PRKDC: variants seen among roughly 807,000 people sequenced by gnomAD.
The protein encoded by PRKDC is DNA-dependent protein kinase catalytic subunit.
A neutral mutation model predicts 486.9 loss-of-function variants in PRKDC; 82 were observed. The ratio of observed to expected loss-of-function variants is 0.17; its 90% CI spans 0.14 to 0.20. The LOEUF is 0.20. PRKDC is among the 10% of genes least tolerant of loss of function. The pLI, the probability that PRKDC is intolerant of heterozygous loss-of-function variation, is 1.00. For missense variants in PRKDC, 4,504 were observed against 5,038.2 expected, an observed-to-expected ratio of 0.89 and a Z score of 3.21; for synonymous variants, 1,895 against 1,837.0, an observed-to-expected ratio of 1.03 and a Z score of -0.81.
rs55838146 is a variant in PRKDC, at chr8:47,827,944, G to T, written c.8577+224C>A. Among the ~76,000 whole-genome samples, 121 of 152,332 alleles carry T rather than the reference G, an allele frequency of 7.9e-4. 1 individual carries two copies. The East Asian group carries it at 0.022, about 28-fold the overall frequency. ...GGACTGGCTTATTACAAAATAAAAC[G>T]TAACATGTTTGATTTCTGGTTATTC... On this transcript the variant is annotated intron_variant, in intron 62 of 85. Transcript: ENST00000314191.
chr8:47,834,753 C>T (rs1454294071), intron 58 of PRKDC, among the ~76,000 whole-genome samples: 1 of 142,364 alleles, frequency 7.0e-6, no homozygotes, highest in East Asian at 2.1e-4. Context: ...TGCAGTGGCG[C>T]GATCTCGGCT....
At chr8:47,814,343 T>C (rs1179508843) in intron 68 of PRKDC, among the ~76,000 whole-genome samples, 1 of 152,176 alleles carries the variant, frequency 6.6e-6, no homozygotes, top group Non-Finnish European at 1.5e-5. Context: ...ATATTCAAGA[T>C]TGTACTTGAG....
chr8:47,781,076 C>T (rs912978793), intron 80 of PRKDC, among the ~76,000 whole-genome samples: 3 of 152,194 alleles, frequency 2.0e-5, no homozygotes, highest in Non-Finnish European at 2.9e-5. Flanking sequence ...TTCAACTCTC[C>T]TGGTACCTAT....
intron 10 of PRKDC, among the ~76,000 whole-genome samples, chr8:47,940,214 A>C (rs1437520541): frequency 2.0e-5 from 3 of 152,068 alleles, no homozygotes; most frequent in Non-Finnish European, 2.9e-5. Flanking sequence ...AAAGCATCTC[A>C]GTTTTCAAAA....
chr8:47,862,159 T>A (rs1487761097), intron 43 of PRKDC, 32 bp from the exon 44 acceptor site: 1 of 1,513,440 alleles, frequency 6.6e-7, no homozygotes, highest in Non-Finnish European at 9.0e-7. Flanking sequence ...TAAAAATAGC[T>A]GAATGGTGAA....
chr8:47,859,487 T>C, intron 46 of PRKDC, 124 bp downstream of exon 46: 1 of 1,154,688 alleles, frequency 8.7e-7, no homozygotes, highest in Non-Finnish European at 1.2e-6. Flanking sequence ...CCAAATTAAC[T>C]CTATACTCCG....
chr8:47,927,195 T>A lies in PRKDC; in HGVS notation c.2418A>T (p.Ser806=). 2 of 1,613,226 alleles carry A rather than the reference T, an allele frequency of 1.2e-6. No individual in the cohort carries two copies. Among genetic ancestry groups the A allele is most frequent in the Non-Finnish European group, 1.7e-6 (2 of 1,179,310 alleles). ...CATCACAATTCTTCTAAACATTACCTGACAAGGCTGAAGTCTTCAGGTATC... is the reference window on the plus strand; with the variant it reads ...CATCACAATTCTTCTAAACATTACCAGACAAGGCTGAAGTCTTCAGGTATC... ...LDGYLKTSAL[S]DETKNNWEVS... Residue 806 remains serine, a splice_region_variant and synonymous_variant, in exon 21 of 86, where the codon TCA becomes TCT. Transcript: ENST00000314191.
chr8:47,953,095 C>T (rs1228397830), intron 7 of PRKDC, among the ~76,000 whole-genome samples: 2 of 151,806 alleles, frequency 1.3e-5, no homozygotes, highest in Non-Finnish European at 2.9e-5. Context: ...GACCTGAGAT[C>T]GAGCCACTGC....
chr8:47,929,112 A>G lies in PRKDC; in HGVS notation c.2119T>C (p.Phe707Leu). 6.4e-7 allele frequency: 1 copy of G among 1,571,332 alleles called. No individual in the cohort carries two copies. The highest frequency in any genetic ancestry group is 1.3e-5 in the African/African-American group (1 of 74,154). The change falls in exon 19 of 86, where the codon TTT becomes CTT. Residue 707 changes from phenylalanine (F) to leucine (L), a missense_variant. Physicochemically the swap from Phe to Leu is conservative, Grantham distance 22. Coordinates refer to ENST00000314191, the MANE Select transcript of PRKDC (RefSeq NM_006904.7). Reference protein sequence around the residue: ...DPEKYSCFALFVKFGKEVAVK... With the variant: ...DPEKYSCFALLVKFGKEVAVK... ...ATTACCTCTTTGCCAAATTTCACAAATAAAGCAAAGCAAGAATACTTTTCT... is the reference window on the plus strand; with the variant it reads ...ATTACCTCTTTGCCAAATTTCACAAGTAAAGCAAAGCAAGAATACTTTTCT...
intron 68 of PRKDC, among the ~76,000 whole-genome samples, chr8:47,810,158 G>T (rs2087298487): frequency 6.6e-6 from 1 of 152,200 alleles, no homozygotes; most frequent in South Asian, 2.1e-4. Context: ...TATCTAAACA[G>T]ATCACCAGCT....
chr8:47,805,943 A>G (rs911083614), intron 69 of PRKDC, among the ~76,000 whole-genome samples: 2 of 151,924 alleles, frequency 1.3e-5, no homozygotes, highest in Admixed American at 1.3e-4. Context: ...AGAGCTGTCA[A>G]TCTCCCACAC....
rs1174958148 is a variant in PRKDC at position 47,858,696 on chromosome 8, A to G, written c.6346-61T>C. On this transcript the variant is annotated intron_variant, in intron 47 of 85. Coordinates refer to ENST00000314191, the MANE Select transcript of PRKDC (RefSeq NM_006904.7). Reference sequence around the variant, plus strand: ...GAATAAAATAATGATACATTTTGATATTATGGGAAAACAAGGACAAAGTAA... The same window carrying G: ...GAATAAAATAATGATACATTTTGATGTTATGGGAAAACAAGGACAAAGTAA... The G allele has an allele frequency of 2.1e-6, 3 of 1,441,458 alleles. No individual in the cohort carries two copies. In the African/African-American group the frequency reaches 4.3e-5, roughly 21 times the overall value. 89.3% of individuals were successfully genotyped at this position (1,441,458 alleles called of 1,614,324 possible).
chr8:47,837,188 C>T, intron 57 of PRKDC, 24 bp downstream of exon 57: 1 of 1,586,968 alleles, frequency 6.3e-7, no homozygotes, highest in Non-Finnish European at 8.6e-7. Flanking sequence ...ATATTCACTA[C>T]TATGAGAGAG....
At chr8:47,846,288 T>G (rs2154500088) in intron 54 of PRKDC, among the ~76,000 whole-genome samples, 1 of 151,938 alleles carries the variant, frequency 6.6e-6, no homozygotes, top group Admixed American at 6.6e-5. Flanking sequence ...TGGTGGCATG[T>G]GCCTGTAATC....
chr8:47,805,305 T>C (rs1403495588), intron 69 of PRKDC: 1 of 152,260 alleles, frequency 6.6e-6, no homozygotes, highest in East Asian at 1.9e-4. Context: ...GTTATCTGTG[T>C]ATTTGCTTCC....
intron 63 of PRKDC, among the ~76,000 whole-genome samples, chr8:47,825,272 A>G (rs572406674): frequency 3.9e-4 from 60 of 152,280 alleles, no homozygotes; most frequent in Admixed American, 1.1e-3. Flanking sequence ...GTGGTGGCTC[A>G]TGGCTGCAAT....
intron 28 of PRKDC, among the ~76,000 whole-genome samples, chr8:47,899,510 G>A (rs556821875): frequency 5.3e-5 from 8 of 152,142 alleles, no homozygotes; most frequent in Non-Finnish European, 1.0e-4. Flanking sequence ...AGGCGTGGTG[G>A]CAGGTCCCTG....
At chr8:47,791,355 A>G (rs2086879905) in intron 74 of PRKDC, among the ~76,000 whole-genome samples, 1 of 152,032 alleles carries the variant, frequency 6.6e-6, no homozygotes, top group South Asian at 2.1e-4. Context: ...CCTGCCTGTA[A>G]TCCCAGCTAC....
In PRKDC at chr8:47,830,699, T is replaced by C. The variant is rs762219378; in HGVS notation, c.8303A>G (p.Gln2768Arg). The change falls in exon 61 of 86, where the codon CAG (glutamine) becomes CGG (arginine). Residue 2768 changes from glutamine to arginine, a missense_variant. By Grantham distance (43) the Gln-to-Arg change is conservative. This residue lies in a region of PRKDC where 1,592 missense variants were observed against 1,724.6 expected (regional missense o/e 0.92). Transcript: ENST00000314191. ...CCGGTAGCTTCTGTACAGAACGACC[T>C]GGGCATCCTGCTTCATTTTTAACTC... Reference protein sequence around the residue: ...KSELKMKQDAQVVLYRSYRHG... With the variant: ...KSELKMKQDARVVLYRSYRHG... 4.3e-6 allele frequency: 7 copies of C among 1,613,986 alleles called. No homozygotes were observed. The highest frequency in any genetic ancestry group is 2.2e-5 in the South Asian group (2 of 91,090).
Sources: gnomAD v4.1 joint callset for allele counts (sites outside exome capture counted in the v4.1 genomes callset) on GRCh38, gnomAD v4.1.1 for gene constraint, gnomAD v4.1.1 regional missense constraint, MANE v1.5 for transcripts, NCBI Gene and HGNC (gene_info 2026-07-23, HGNC 2026-07-21) for gene names.